Variants in DACH1 observed in about 807,000 individuals in gnomAD.
The protein encoded by DACH1 is dachshund family transcription factor 1, also known as dachshund homolog 1.
A neutral mutation model predicts 54.2 loss-of-function variants in DACH1; 12 were observed. That is an observed-to-expected ratio of 0.22 (90% CI 0.14 to 0.36). The LOEUF (loss-of-function observed/expected upper bound fraction) is 0.36, where lower values mean the gene tolerates loss of function less well. Ranked by LOEUF, DACH1 falls within the 10% of genes least tolerant of loss-of-function variation. The probability of loss-of-function intolerance (pLI) is 1.00; values close to 1 mark genes in which losing one functional copy is unlikely to be tolerated. For missense variants in DACH1, 805 were observed against 929.8 expected, an observed-to-expected ratio of 0.87 and a Z score of 1.75; for synonymous variants, 386 against 366.2, an observed-to-expected ratio of 1.05 and a Z score of -0.62.
At chr13:71,559,747 G>A in intron 5 of DACH1, 73 bp downstream of exon 5, 1 of 1,568,532 alleles carries the variant, frequency 6.4e-7, no homozygotes, top group Non-Finnish European at 8.8e-7. Flanking sequence ...TGGAATGAGG[G>A]CATGTTGATT....
chr13:71,499,848 C>CT (rs1879764598), intron 6 of DACH1, among the ~76,000 whole-genome samples: 1 of 152,088 alleles, frequency 6.6e-6, no homozygotes, highest in African/African-American at 2.4e-5. Context: ...AAAAGAAAAT[C>CT]TGATGGTTCA....
intron 3 of DACH1, among the ~76,000 whole-genome samples, chr13:71,617,737 G>A (rs547567721): frequency 1.3e-4 from 20 of 152,216 alleles, no homozygotes; most frequent in Admixed American, 1.3e-3. Flanking sequence ...TATAAATAAA[G>A]CTTGTATATT....
intron 1 of DACH1, among the ~76,000 whole-genome samples, chr13:71,815,600 C>T (rs944217340): frequency 6.6e-6 from 1 of 152,130 alleles, no homozygotes; most frequent in African/African-American, 2.4e-5. Flanking sequence ...GTTTTTGGAA[C>T]ACTGATTTGA....
intron 5 of DACH1, among the ~76,000 whole-genome samples, chr13:71,558,176 T>C (rs1020255662): frequency 1.3e-5 from 2 of 152,082 alleles, no homozygotes; most frequent in African/African-American, 4.8e-5. Flanking sequence ...ACAGAAGCAC[T>C]AGGTGACATT....
chr13:71,512,162 A>AT (rs1372022324), intron 6 of DACH1, among the ~76,000 whole-genome samples: 8 of 151,480 alleles, frequency 5.3e-5, no homozygotes, highest in East Asian at 1.9e-4. Context: ...TCAAATACCA[A>AT]TTTTTTTTGA....
chr13:71,716,534 G>A (rs944072757), intron 1 of DACH1, among the ~76,000 whole-genome samples: 4 of 152,042 alleles, frequency 2.6e-5, no homozygotes, highest in Non-Finnish European at 5.9e-5. Flanking sequence ...AGTTGTACAT[G>A]TGAGAAGCCC....
chr13:71,748,929 TTTC>T, intron 1 of DACH1, among the ~76,000 whole-genome samples: 1 of 48,554 alleles, frequency 2.1e-5, no homozygotes, highest in Non-Finnish European at 8.3e-5. Flanking sequence ...TCTTTCTTTC[TTTC>T]TTTCTTTCTT....
At chr13:71,459,836 G>A (rs1875918424) in intron 10 of DACH1, among the ~76,000 whole-genome samples, 1 of 151,864 alleles carries the variant, frequency 6.6e-6, no homozygotes, top group South Asian at 2.1e-4. Context: ...TCATGTTAAA[G>A]CACTGCAAGT....
intron 1 of DACH1, among the ~76,000 whole-genome samples, chr13:71,791,798 C>A (rs924160154): frequency 1.3e-5 from 2 of 152,194 alleles, no homozygotes; most frequent in African/African-American, 2.4e-5. Context: ...ATTTTGATGA[C>A]TGCCCAACTA....
rs116088773 is a variant in DACH1 at position 71,476,240 on chromosome 13, T to C, written c.1871-391A>G. On this transcript the variant is annotated intron_variant, in intron 8 of 10. Coordinates refer to ENST00000613252, the MANE Select transcript of DACH1 (RefSeq NM_080759.6). The stretch of plus-strand genomic sequence containing the variant: ...GTCATTTGGATAGTGCAAACGCTTA[T>C]AAGCATGCCTCCTTCCTATTTCCTC... Among the ~76,000 whole-genome samples, 565 of 152,310 alleles carry C rather than the reference T, an allele frequency of 3.7e-3. 6 individuals are homozygous for C. Among genetic ancestry groups the C allele is most frequent in the African/African-American group, 0.013 (542 of 41,568 alleles).
chr13:71,728,452 A>G (rs1883580418), intron 1 of DACH1, among the ~76,000 whole-genome samples: 1 of 152,030 alleles, frequency 6.6e-6, no homozygotes, highest in South Asian at 2.1e-4. Context: ...GGACTATACT[A>G]GCATAATCAT....
At chr13:71,565,065 C>T (rs1397339797) in intron 4 of DACH1, among the ~76,000 whole-genome samples, 2 of 151,952 alleles carry the variant, frequency 1.3e-5, no homozygotes, top group Non-Finnish European at 2.9e-5. Flanking sequence ...GGATTACAGG[C>T]GTCTGCCACC....
intron 2 of DACH1, among the ~76,000 whole-genome samples, chr13:71,639,123 T>C (rs1877711514): frequency 6.6e-6 from 1 of 152,146 alleles, no homozygotes; most frequent in Admixed American, 6.6e-5. Flanking sequence ...CAGTACCTTT[T>C]TTCACCCTGT....
chr13:71,852,490 A>G (rs1366837187), intron 1 of DACH1, among the ~76,000 whole-genome samples: 1 of 152,198 alleles, frequency 6.6e-6, no homozygotes, highest in African/African-American at 2.4e-5. Context: ...CTTAGAAAAT[A>G]CTGTCCTGGT....
At position 71,683,827 on chromosome 13, in the gene DACH1, A is replaced by G. The variant is rs575439314; in HGVS notation, c.849-1917T>C. ...ATGCTAAGGGCTAAGGGCTAAATAT[A>G]TATCTATAGCCCATATCTTTCTCCT... On this transcript the variant is annotated intron_variant, in intron 1 of 10. Transcript: ENST00000613252. Among the ~76,000 whole-genome samples the G allele has an allele frequency of 5.9e-5, 9 of 152,162 alleles. No homozygotes were observed. In the South Asian group the frequency reaches 8.3e-4, roughly 14 times the overall value.
At chr13:71,672,207 C>G (rs571933190) in intron 2 of DACH1, among the ~76,000 whole-genome samples, 1 of 152,044 alleles carries the variant, frequency 6.6e-6, no homozygotes, top group Admixed American at 6.6e-5. Flanking sequence ...CAAAGTTGTA[C>G]CATAATGTTC....
At chr13:71,710,703 T>A (rs1297530535) in intron 1 of DACH1, among the ~76,000 whole-genome samples, 1 of 152,126 alleles carries the variant, frequency 6.6e-6, no homozygotes, top group East Asian at 1.9e-4. Flanking sequence ...GGAAAACACA[T>A]GACAGCCTGC....
chr13:71,673,882 T>A (rs1248934202), intron 2 of DACH1, among the ~76,000 whole-genome samples: 1 of 152,192 alleles, frequency 6.6e-6, no homozygotes, highest in Non-Finnish European at 1.5e-5. Context: ...GTAACCATCA[T>A]AACCTATAAA....
intron 2 of DACH1, among the ~76,000 whole-genome samples, chr13:71,635,126 G>T (rs1160922846): frequency 1.3e-5 from 2 of 152,172 alleles, no homozygotes; most frequent in African/African-American, 4.8e-5. Context: ...TACATGGAAA[G>T]CCACAGGAGA....
Sources: allele counts gnomAD v4.1 joint callset (sites outside exome capture counted in the v4.1 genomes callset), GRCh38; gene constraint gnomAD v4.1.1; transcripts MANE v1.5; gene names NCBI Gene and HGNC (gene_info 2026-07-23, HGNC 2026-07-21).